Variants in SUCLA2 observed in about 807,000 individuals in gnomAD.
SUCLA2 encodes succinate-CoA ligase ADP-forming subunit beta, also known as succinate--CoA ligase [ADP-forming] subunit beta, mitochondrial.
A neutral mutation model predicts 54.8 loss-of-function variants in SUCLA2; 30 were observed. That is an observed-to-expected ratio of 0.55 (90% CI 0.41 to 0.74). The LOEUF is 0.74. Ranked by LOEUF, SUCLA2 falls within the 30% of genes least tolerant of loss-of-function variation. The probability of loss-of-function intolerance (pLI) is 0.00; values close to 1 mark genes in which losing one functional copy is unlikely to be tolerated. For synonymous variants in SUCLA2, 172 were observed against 188.9 expected (o/e 0.91, Z 0.74); for missense variants, 476 against 562.9 (o/e 0.85, Z 1.56).
intron 4 of SUCLA2, among the ~76,000 whole-genome samples, chr13:47,977,893 C>A (rs1666500567): frequency 6.6e-6 from 1 of 152,158 alleles, no homozygotes; most frequent in African/African-American, 2.4e-5. Flanking sequence ...AGAGTCAAAT[C>A]ATGAGTGAAC....
At chr13:47,965,855 T>C (rs556676871) in intron 6 of SUCLA2, among the ~76,000 whole-genome samples, 1 of 152,338 alleles carries the variant, frequency 6.6e-6, no homozygotes, top group East Asian at 1.9e-4. Context: ...AAGACCATCC[T>C]GGCTAACATG....
chr13:47,998,117 A>C (rs1465668769), intron 1 of SUCLA2, among the ~76,000 whole-genome samples: 1 of 152,076 alleles, frequency 6.6e-6, no homozygotes, highest in Non-Finnish European at 1.5e-5. Flanking sequence ...TCAATATTAA[A>C]AGCCAGCAAC....
chr13:47,991,817 A>G (rs1170251840), intron 2 of SUCLA2: 1 of 152,250 alleles, frequency 6.6e-6, no homozygotes, highest in Non-Finnish European at 1.5e-5. Context: ...TAGAAAAAGT[A>G]TCTTGTTTAG....
chr13:47,988,923 T>C lies in SUCLA2; in HGVS notation c.330A>G (p.Thr110=), dbSNP rs761129645. The C allele has an allele frequency of 1.2e-6, 2 of 1,613,488 alleles. No homozygotes were observed. The highest frequency in any genetic ancestry group is 1.7e-6 in the Non-Finnish European group (2 of 1,179,988). ...CTCCTCCTTTGAGGCCACTTTCAAA[T>C]GTTCCTTTTCCTCTACCACCAGCTA... The part of the protein sequence containing the change: ...QVLAGGRGKG[T]FESGLKGGVK... Residue 110 remains threonine, a synonymous_variant, in exon 3 of 11, where the codon ACA becomes ACG. Coordinates refer to ENST00000646932, the MANE Select transcript of SUCLA2 (RefSeq NM_003850.3).
chr13:47,989,829 G>A (rs79660077), intron 2 of SUCLA2, among the ~76,000 whole-genome samples: 9,586 of 152,218 alleles, frequency 0.063, 357 homozygotes, highest in Middle Eastern at 0.095. Context: ...TTATTGAGCA[G>A]TACTGCATGA....
intron 4 of SUCLA2, among the ~76,000 whole-genome samples, chr13:47,976,373 C>T (rs1322708536): frequency 1.3e-5 from 2 of 152,204 alleles, no homozygotes; most frequent in African/African-American, 4.8e-5. Flanking sequence ...TCCTTCCCCC[C>T]ACCACTCCAA....
intron 6 of SUCLA2, among the ~76,000 whole-genome samples, chr13:47,956,241 C>A (rs1662410895): frequency 6.6e-6 from 1 of 151,946 alleles, no homozygotes; most frequent in African/African-American, 2.4e-5. Context: ...AAGGGAACAA[C>A]ATGGAAAATC....
intron 2 of SUCLA2, among the ~76,000 whole-genome samples, chr13:47,989,552 TA>T (rs11348627): frequency 0.73 from 110,806 of 152,004 alleles, 41,352 homozygotes; most frequent in Non-Finnish European, 0.82. Flanking sequence ...AACCATTTCT[TA>T]AAAGTAAACT....
At chr13:47,989,243 C>T (rs1316983650) in intron 2 of SUCLA2, among the ~76,000 whole-genome samples, 3 of 149,434 alleles carry the variant, frequency 2.0e-5, no homozygotes, top group Non-Finnish European at 4.4e-5. Flanking sequence ...CAGAGTCTCG[C>T]TCTGTCGCCC....
intron 4 of SUCLA2, among the ~76,000 whole-genome samples, chr13:47,978,003 A>G (rs952234444): frequency 6.6e-6 from 1 of 152,240 alleles, no homozygotes; most frequent in Non-Finnish European, 1.5e-5. Context: ...CCACTGCTCA[A>G]GAAAATAAGA....
chr13:47,972,227 C>T (rs1173704043), intron 5 of SUCLA2: 1 of 245,460 alleles, frequency 4.1e-6, no homozygotes, highest in East Asian at 7.3e-5. Flanking sequence ...TGCACTCCAG[C>T]CTAGGTAACA....
At chr13:47,994,053 C>T (rs1312878880) in intron 2 of SUCLA2, among the ~76,000 whole-genome samples, 39 of 99,512 alleles carry the variant, frequency 3.9e-4, no homozygotes, top group Admixed American at 1.1e-3. Context: ...AACGAAACTC[C>T]GTCTCAAAAA....
intron 10 of SUCLA2, among the ~76,000 whole-genome samples, chr13:47,944,889 G>A (rs1373502028): frequency 6.6e-6 from 1 of 152,094 alleles, no homozygotes; most frequent in Admixed American, 6.5e-5. Flanking sequence ...TTGGAAGGCC[G>A]AGGTGGGAGG....
At chr13:47,945,687 A>G (rs9526418) in intron 10 of SUCLA2, 1 of 15,906 alleles carries the variant, frequency 6.3e-5, no homozygotes, top group Non-Finnish European at 2.4e-4. Flanking sequence ...CACACACACA[A>G]AGTCCCCCCC....
intron 6 of SUCLA2, among the ~76,000 whole-genome samples, chr13:47,959,231 G>GT (rs1343494095): frequency 6.6e-6 from 1 of 151,776 alleles, no homozygotes; most frequent in Non-Finnish European, 1.5e-5. Context: ...GCTTGAAAAA[G>GT]TTTTTTATGA....
chr13:47,988,359 A>G, intron 4 of SUCLA2, 182 bp downstream of exon 4: 1 of 641,374 alleles, frequency 1.6e-6, no homozygotes, highest in Non-Finnish European at 2.6e-6. Flanking sequence ...GATATTATAT[A>G]TCAAATTTTA....
intron 5 of SUCLA2, chr13:47,972,154 C>A: frequency 3.3e-6 from 1 of 305,058 alleles, no homozygotes. Flanking sequence ...AGTCGGTAGG[C>A]TGAGGCAGGA....
chr13:47,996,658 CATA>C (rs150579065), intron 2 of SUCLA2, among the ~76,000 whole-genome samples, 182 bp downstream of exon 2: 54 of 150,820 alleles, frequency 3.6e-4, no homozygotes, highest in East Asian at 5.8e-4. Flanking sequence ...TATGGGTGCT[CATA>C]ATAATAATAA....
chr13:47,995,185 T>A (rs1950181393), intron 2 of SUCLA2, among the ~76,000 whole-genome samples: 1 of 152,122 alleles, frequency 6.6e-6, no homozygotes, highest in South Asian at 2.1e-4. Flanking sequence ...TGACCCTATC[T>A]CTAAAAAAAA....
Sources: allele counts gnomAD v4.1 joint callset (sites outside exome capture counted in the v4.1 genomes callset), GRCh38; gene constraint gnomAD v4.1.1; transcripts MANE v1.5; gene names NCBI Gene and HGNC (gene_info 2026-07-23, HGNC 2026-07-21).